FAF2: variants seen among roughly 807,000 people sequenced by gnomAD.
FAF2 encodes the protein Fas associated factor family member 2, also known as FAS-associated factor 2.
In FAF2, 9 loss-of-function variants were observed where a neutral mutation model predicts 62.3. That is an observed-to-expected ratio of 0.14 (90% CI 0.09 to 0.25). FAF2 has a LOEUF of 0.25. FAF2 is among the 10% of genes least tolerant of loss of function. The pLI is 1.00. For synonymous variants in FAF2, 202 were observed against 198.0 expected, an observed-to-expected ratio of 1.02 and a Z score of -0.17; for missense variants, 368 against 556.2, an observed-to-expected ratio of 0.66 and a Z score of 3.40.
chr5:176,455,795 G>A (rs987757311), intron 1 of FAF2, among the ~76,000 whole-genome samples: 2 of 150,594 alleles, frequency 1.3e-5, no homozygotes, highest in African/African-American at 5.0e-5. Flanking sequence ...AGTGCTAGTG[G>A]ATTCATTCCC....
At chr5:176,486,623 G>A in intron 3 of FAF2, 134 bp downstream of exon 3, 1 of 855,190 alleles carries the variant, frequency 1.2e-6, no homozygotes, top group Middle Eastern at 2.7e-4. Flanking sequence ...TGGCCCGTTG[G>A]GTGTATTATT....
intron 2 of FAF2, among the ~76,000 whole-genome samples, chr5:176,480,770 G>A (rs1758772499): frequency 1.4e-5 from 2 of 147,800 alleles, no homozygotes; most frequent in African/African-American, 2.5e-5. Context: ...ATAAATGACC[G>A]GAGGGGAACA....
rs774058079 is a variant in FAF2 at position 176,448,397 on chromosome 5, G to A, written c.-11G>A. The A allele has an allele frequency of 2.1e-5, 34 of 1,603,710 alleles. No homozygotes were observed. The highest frequency in any genetic ancestry group is 2.8e-5 in the Non-Finnish European group (33 of 1,175,678). The stretch of plus-strand genomic sequence containing the variant: ...GTGCGGACGGGTCAGGAGCGTAGAG[G>A]CGGCGGCAAAATGGCGGCGCCTGAG... On this transcript the variant is annotated 5_prime_UTR_variant, in exon 1 of 11. Coordinates refer to ENST00000261942, the MANE Select transcript of FAF2 (RefSeq NM_014613.3).
rs1418847753 is a variant in FAF2, at chr5:176,492,273, T to G, written c.424T>G (p.Ser142Ala). The change falls in exon 5 of 11, where the codon TCT becomes GCT. Residue 142 changes from serine (S) to alanine (A), a missense_variant. By Grantham distance (99) the Ser-to-Ala change is moderately conservative. Around this residue, in one of 2 missense-constraint regions of FAF2, gnomAD observed 331 missense variants for 441.9 expected, o/e 0.75. Transcript: ENST00000261942. ...TGGGGACATTGTTTCATTTATGCAC[T>G]CTTTTGAAGAGAAATATGGGAGGGC... ...PVGDIVSFMH[S>A]FEEKYGRAHP... The G allele has an allele frequency of 1.2e-6, 2 of 1,614,204 alleles. No individual in the cohort carries two copies. Among genetic ancestry groups the G allele is most frequent in the Non-Finnish European group, 1.7e-6 (2 of 1,180,044 alleles).
intron 1 of FAF2, among the ~76,000 whole-genome samples, chr5:176,458,776 C>A (rs1337890434): frequency 1.3e-5 from 2 of 152,160 alleles, no homozygotes; most frequent in African/African-American, 4.8e-5. Flanking sequence ...CTTTGTACCT[C>A]ATGGTCTGAC....
intron 4 of FAF2, 29 bp from the exon 5 acceptor site, chr5:176,492,165 T>C (rs748371407): frequency 6.2e-7 from 1 of 1,613,830 alleles, no homozygotes; most frequent in East Asian, 2.2e-5. Flanking sequence ...TAAGCTGGAT[T>C]CATGTGATAT....
intron 10 of FAF2, among the ~76,000 whole-genome samples, chr5:176,506,207 C>A (rs200183935): frequency 0.042 from 4,564 of 107,398 alleles, 77 homozygotes; most frequent in African/African-American, 0.057. Flanking sequence ...AAAAAAAAAA[C>A]AAAAAAAAAA....
intron 1 of FAF2, among the ~76,000 whole-genome samples, chr5:176,475,327 TTCTC>T (rs1486884929): frequency 6.6e-6 from 1 of 151,924 alleles, no homozygotes; most frequent in East Asian, 1.9e-4. Flanking sequence ...GAGATGGAGT[TTCTC>T]TATATTGGCC....
At chr5:176,475,792 T>G (rs1218583587) in intron 1 of FAF2, among the ~76,000 whole-genome samples, 2 of 151,294 alleles carry the variant, frequency 1.3e-5, no homozygotes, top group Non-Finnish European at 2.9e-5. Flanking sequence ...AGAATTACTA[T>G]CAATACCACG....
rs556729185 is a variant in FAF2 at position 176,486,338 on chromosome 5, T to TC, written c.133-15dup. The TC allele has an allele frequency of 8.8e-5, 142 of 1,610,112 alleles. 2 individuals are homozygous for TC. In the East Asian group the frequency reaches 1.9e-3, roughly 22 times the overall value. ...TGAGCATCGCTGAAACTCTTGCCACTCCGTTTTCCTTCTCAGGCTGCTGTA... is the reference window on the plus strand; with the variant it reads ...TGAGCATCGCTGAAACTCTTGCCACTCCCGTTTTCCTTCTCAGGCTGCTGTA... On this transcript the variant is annotated splice_polypyrimidine_tract_variant and intron_variant, in intron 2 of 10. Transcript: ENST00000261942.
chr5:176,450,482 G>A (rs745720763), intron 1 of FAF2, among the ~76,000 whole-genome samples: 5 of 152,080 alleles, frequency 3.3e-5, no homozygotes, highest in Admixed American at 1.3e-4. Flanking sequence ...TACTGGAAGA[G>A]CATGAATATA....
At chr5:176,457,365 A>G (rs1031152976) in intron 1 of FAF2, among the ~76,000 whole-genome samples, 1 of 151,530 alleles carries the variant, frequency 6.6e-6, no homozygotes, top group African/African-American at 2.4e-5. Flanking sequence ...ATTTTTTTGT[A>G]TTTTTAGTAG....
In FAF2 at chr5:176,496,408, C is replaced by G. The variant is rs1303217833; in HGVS notation, c.662-78C>G. The G allele has an allele frequency of 1.4e-5, 16 of 1,169,960 alleles. No individual in the cohort carries two copies. The African/African-American group carries it at 1.6e-4, about 12-fold the overall frequency. The allele number at this position is 1,169,960 out of a possible 1,614,324, so 72.5% of individuals were successfully genotyped here. Reference sequence around the variant, plus strand: ...AACCAGGATTAAAACAGTTCTCTCTCACTCATTGTGGAAAGTCTAAGGGTT... The same window carrying G: ...AACCAGGATTAAAACAGTTCTCTCTGACTCATTGTGGAAAGTCTAAGGGTT... On this transcript the variant is annotated intron_variant, in intron 7 of 10. Coordinates refer to ENST00000261942, the MANE Select transcript of FAF2 (RefSeq NM_014613.3).
chr5:176,468,193 T>C (rs940625386), intron 1 of FAF2, among the ~76,000 whole-genome samples: 2 of 152,110 alleles, frequency 1.3e-5, no homozygotes, highest in Non-Finnish European at 2.9e-5. Flanking sequence ...TAGAGAGATA[T>C]AAACAAAAGT....
intron 2 of FAF2, among the ~76,000 whole-genome samples, chr5:176,482,323 T>C (rs1250508918): frequency 3.3e-5 from 5 of 151,198 alleles, no homozygotes; most frequent in African/African-American, 1.2e-4. Flanking sequence ...GTTCAAATAA[T>C]TTTCCTGCCT....
Position 176,479,177 on chromosome 5 carries a change from C to G in FAF2, c.64-11C>G, listed in dbSNP as rs764646764. On this transcript the variant is annotated splice_polypyrimidine_tract_variant and intron_variant, in intron 1 of 10. Coordinates refer to ENST00000261942, the MANE Select transcript of FAF2 (RefSeq NM_014613.3). ...TTTCTCTAAGTAACTTGTTTTCATC[C>G]TTCTTTTCAGGATCTCACTGGCATC... 9 of 1,613,124 alleles carry G rather than the reference C, an allele frequency of 5.6e-6. No homozygotes were observed. Among genetic ancestry groups the G allele is most frequent in the Admixed American group, 3.3e-5 (2 of 59,990 alleles).
At chr5:176,505,928 C>T (rs557072383) in intron 10 of FAF2, among the ~76,000 whole-genome samples, 4 of 152,142 alleles carry the variant, frequency 2.6e-5, no homozygotes, top group East Asian at 1.9e-4. Context: ...CAGCACTTTA[C>T]GCCTGTAATC....
At chr5:176,452,514 A>G (rs1425719317) in intron 1 of FAF2, among the ~76,000 whole-genome samples, 4 of 152,240 alleles carry the variant, frequency 2.6e-5, no homozygotes, top group Non-Finnish European at 1.5e-5. Flanking sequence ...TTAAGCTACT[A>G]GGTAGTGGAA....
chr5:176,505,755 C>G (rs1245776944), intron 10 of FAF2, among the ~76,000 whole-genome samples: 1 of 152,200 alleles, frequency 6.6e-6, no homozygotes, highest in South Asian at 2.1e-4. Flanking sequence ...GAATAATAGT[C>G]TCCACTCTCA....
Sources: gnomAD v4.1 joint callset for allele counts (sites outside exome capture counted in the v4.1 genomes callset) on GRCh38, gnomAD v4.1.1 for gene constraint, gnomAD v4.1.1 regional missense constraint, MANE v1.5 for transcripts, NCBI Gene and HGNC (gene_info 2026-07-23, HGNC 2026-07-21) for gene names.